Variants in SCARF2 observed in about 807,000 individuals in gnomAD.
SCARF2 encodes the protein scavenger receptor expressed by endothelial cells 2 protein.
SCARF2 carries 39 observed loss-of-function variants against 73.4 expected under a neutral mutation model. The ratio of observed to expected loss-of-function variants is 0.53; its 90% CI spans 0.41 to 0.69. The LOEUF (loss-of-function observed/expected upper bound fraction) is 0.69, where lower values mean the gene tolerates loss of function less well. Among genes scored for constraint, SCARF2 ranks in the 30% least tolerant of loss-of-function variants. SCARF2 has a pLI of 0.00. For synonymous variants in SCARF2, 605 were observed against 590.0 expected (o/e 1.03, Z -0.37); for missense variants, 1,148 against 1,303.5 (o/e 0.88, Z 1.84).
rs2052589203 is a variant in SCARF2 at position 20,427,275 on chromosome 22, C to G, written c.1693+123G>C. 9 of 1,219,770 alleles carry G rather than the reference C, an allele frequency of 7.4e-6. No individual in the cohort carries two copies. In the East Asian group the frequency reaches 2.2e-4, roughly 30 times the overall value. The allele number at this position is 1,219,770 out of a possible 1,614,324, so 75.6% of individuals were successfully genotyped here. A position where few individuals can be genotyped will look rare whatever the true frequency, so the allele number is the denominator to read the frequency against. ...AGCTCTGTGGGCAACCCTCAGGTAC[C>G]AGCATGGCCAAGGCCTTCCTCTCCA... On this transcript the variant is annotated intron_variant, in intron 10 of 10. Coordinates refer to ENST00000622235, the MANE Select transcript of SCARF2 (RefSeq NM_182895.5).
At chr22:20,437,553 C>A (rs1252361368) in intron 1 of SCARF2, 29 bp downstream of exon 1, 1 of 1,558,796 alleles carries the variant, frequency 6.4e-7, no homozygotes, top group South Asian at 1.2e-5. Flanking sequence ...GTCCCTCTCG[C>A]CCCCTCCCCC....
At chr22:20,426,414 G>T in intron 10 of SCARF2, 132 bp from the exon 11 acceptor site, 1 of 972,178 alleles carries the variant, frequency 1.0e-6, no homozygotes, top group Non-Finnish European at 1.5e-6. Flanking sequence ...ATCTAGACGT[G>T]CCTGGCACAG....
chr22:20,425,711 G>A lies in SCARF2; in HGVS notation c.2265C>T (p.Asp755=). ...GCGCGCTTCGCGGGGGACCGCCGGC[G>A]TCCGTGGGCTCCAAGAGGCCGGGGC... ...GRGPGLLEPT[D]AGGPPRSAPE... Residue 755 remains aspartate (D), a synonymous_variant, in exon 11 of 11, where the codon GAC becomes GAT. Transcript: ENST00000622235. This position sits in a 1 kb window ranked among gnomAD's most constrained non-coding sequence, Gnocchi z 4.6. 2.4e-6 allele frequency: 3 copies of A among 1,227,338 alleles called. No individual in the cohort carries two copies. Among genetic ancestry groups the A allele is most frequent in the Non-Finnish European group, 2.0e-6 (2 of 986,710 alleles). The allele number at this position is 1,227,338 out of a possible 1,614,324, so 76.0% of individuals were successfully genotyped here.
intron 1 of SCARF2, among the ~76,000 whole-genome samples, chr22:20,435,932 G>C (rs1220411402): frequency 6.6e-6 from 1 of 152,228 alleles, no homozygotes; most frequent in Non-Finnish European, 1.5e-5. Context: ...CCAGGAAAGG[G>C]AAGGGCTGAT....
At chr22:20,432,371 A>T (rs1198291053) in intron 1 of SCARF2, among the ~76,000 whole-genome samples, 2 of 152,176 alleles carry the variant, frequency 1.3e-5, no homozygotes, top group Non-Finnish European at 2.9e-5. Flanking sequence ...CTCCAAGTGG[A>T]GGGCCCAGCC....
At chr22:20,437,481 G>A in intron 1 of SCARF2, 101 bp downstream of exon 1, 1 of 1,287,934 alleles carries the variant, frequency 7.8e-7, no homozygotes, top group Non-Finnish European at 1.1e-6. Context: ...CCCACACTTG[G>A]CGTAGGAAGG....
intron 9 of SCARF2, among the ~76,000 whole-genome samples, chr22:20,428,357 G>T (rs548233165): frequency 6.6e-6 from 1 of 151,434 alleles, no homozygotes; most frequent in Non-Finnish European, 1.5e-5. Flanking sequence ...GTGCGATCTC[G>T]GCTCACTGCA....
At chr22:20,431,662 C>G in intron 3 of SCARF2, 83 bp downstream of exon 3, 1 of 1,533,146 alleles carries the variant, frequency 6.5e-7, no homozygotes, top group East Asian at 2.5e-5. Flanking sequence ...GAAGGCGGAT[C>G]CGACCCCGCC....
rs377397672 is a variant in SCARF2 at position 20,429,871 on chromosome 22, C to T, written c.1203-38G>A. The T allele has an allele frequency of 2.5e-6, 4 of 1,597,014 alleles. No individual in the cohort carries two copies. The highest frequency in any genetic ancestry group is 1.3e-5 in the African/African-American group (1 of 74,520). ...AGGGTCAAGGCATGCCACAGCCGCC[C>T]CCCTAGGATGCCCCCTACCCTCACC... On this transcript the variant is annotated intron_variant, in intron 6 of 10. Transcript: ENST00000622235. This position sits in a 1 kb window ranked among gnomAD's most constrained non-coding sequence, Gnocchi z 5.2.
In SCARF2 at chr22:20,431,049, C is replaced by T; in HGVS notation, c.823G>A (p.Ala275Thr). The T allele has an allele frequency of 6.4e-7, 1 of 1,566,308 alleles. No individual in the cohort carries two copies. Among genetic ancestry groups the T allele is most frequent in the Non-Finnish European group, 8.6e-7 (1 of 1,163,970 alleles). Reference sequence around the variant, plus strand: ...CGACAGCCCAAGCCGTAGAAGCCGGCGGGGCACGGCTCGCGACAGTACTTG... The same window carrying T: ...CGACAGCCCAAGCCGTAGAAGCCGGTGGGGCACGGCTCGCGACAGTACTTG... ...RGKYCREPCP[A>T]GFYGLGCRRR... Residue 275 changes from alanine to threonine, a missense_variant, in exon 4 of 11, where the codon GCC (alanine) becomes ACC (threonine). Ala to Thr is a moderately conservative substitution (Grantham distance 58, BLOSUM62 0). Coordinates refer to ENST00000622235, the MANE Select transcript of SCARF2 (RefSeq NM_182895.5).
intron 9 of SCARF2, among the ~76,000 whole-genome samples, chr22:20,428,284 C>T (rs144200018): frequency 0.024 from 3,405 of 141,266 alleles, 143 homozygotes; most frequent in African/African-American, 0.082. Flanking sequence ...CCTCTCCTCT[C>T]CTCTCTTCTC....
In SCARF2 at chr22:20,426,158, G is replaced by T; in HGVS notation, c.1818C>A (p.Ser606=). ...CGCTGGACGCCGACCGCTCGCTGTC[G>T]GAGGACGCGGGGAGGGGTATCGCCT... ...AEEAIPLPAS[S]DSERSASSVE... Residue 606 remains serine, a synonymous_variant, in exon 11 of 11, where the codon TCC becomes TCA. Transcript: ENST00000622235. The T allele has an allele frequency of 6.8e-7, 1 of 1,480,348 alleles. No homozygotes were observed. Among genetic ancestry groups the T allele is most frequent in the Non-Finnish European group, 8.9e-7 (1 of 1,121,392 alleles). The allele number at this position is 1,480,348 out of a possible 1,614,324, so 91.7% of individuals were successfully genotyped here. A position where few individuals can be genotyped will look rare whatever the true frequency, so the allele number is the denominator to read the frequency against.
chr22:20,434,326 G>A (rs533333246), intron 1 of SCARF2, among the ~76,000 whole-genome samples: 1 of 152,252 alleles, frequency 6.6e-6, no homozygotes, highest in South Asian at 2.1e-4. Context: ...GAGAGAGAGA[G>A]ACAGAGAAAG....
At position 20,429,312 on chromosome 22, in the gene SCARF2, G is replaced by A. The variant is rs1485944276; in HGVS notation, c.1453C>T (p.Pro485Ser). The A allele has an allele frequency of 6.2e-7, 1 of 1,612,952 alleles. No homozygotes were observed. Among genetic ancestry groups the A allele is most frequent in the African/African-American group, 1.3e-5 (1 of 74,878 alleles). ...RELSLGRKKA[P>S]HRLCGRFSRI... ...CTGAAGCGCCCGCATAGTCGGTGCG[G>A]CGCCTTCTTCCTCCCAAGCGAAAGC... Residue 485 changes from proline to serine, a missense_variant, in exon 9 of 11, where the codon CCG becomes TCG. Transcript: ENST00000622235. The surrounding 1 kb of genome is among the most constrained non-coding windows in gnomAD (Gnocchi z 5.2).
chr22:20,431,936 C>G lies in SCARF2; in HGVS notation c.226G>C (p.Gly76Arg). 6.2e-7 allele frequency: 1 copy of G among 1,610,760 alleles called. No homozygotes were observed. Residue 76 changes from glycine to arginine, a missense_variant, in exon 2 of 11, where the codon GGG becomes CGG. Transcript: ENST00000622235. Reference sequence around the variant, plus strand: ...CCCGGGATGACCCACTCACCAATCCCACACTCGTCCCCTTGCTGCCTCCAG... The same window carrying G: ...CCCGGGATGACCCACTCACCAATCCGACACTCGTCCCCTTGCTGCCTCCAG... ...AGWRQQGDEC[G>R]IAVCEGNSTC...
Position 20,425,849 on chromosome 22 carries a change from G to T in SCARF2, c.2127C>A (p.Val709=), listed in dbSNP as rs368807047. The T allele has an allele frequency of 4.1e-5, 65 of 1,590,346 alleles. No individual in the cohort carries two copies. Among genetic ancestry groups the T allele is most frequent in the African/African-American group, 3.2e-4 (23 of 72,242 alleles). Residue 709 remains valine, a synonymous_variant, in exon 11 of 11, where the codon GTC becomes GTA. Coordinates refer to ENST00000622235, the MANE Select transcript of SCARF2 (RefSeq NM_182895.5). The surrounding 1 kb of genome is among the most constrained non-coding windows in gnomAD (Gnocchi z 4.6). ...RTPSDKSAHT[V]EHGSPRTRDP... ...CGCGGGTCCGGGGGCTGCCGTGTTCGACCGTATGCGCCGATTTGTCGCTGG... is the reference window on the plus strand; with the variant it reads ...CGCGGGTCCGGGGGCTGCCGTGTTCTACCGTATGCGCCGATTTGTCGCTGG...
chr22:20,436,680 C>T (rs931147955), intron 1 of SCARF2, among the ~76,000 whole-genome samples: 2 of 152,186 alleles, frequency 1.3e-5, no homozygotes, highest in Non-Finnish European at 2.9e-5. Flanking sequence ...GCTGCCAGCC[C>T]GTGCGGCGTC....
chr22:20,429,564 CGCA>C lies in SCARF2; in HGVS notation c.1393_1395del (p.Cys465del). ...CGCGTAGGGTCCTTGCCGCGGCAAG[CGCA>C]GCAGCAGCCGAGCAGCGAGAGCAGC... On this transcript the variant is annotated inframe_deletion, in exon 8 of 11. Coordinates refer to ENST00000622235, the MANE Select transcript of SCARF2 (RefSeq NM_182895.5). This position sits in a 1 kb window ranked among gnomAD's most constrained non-coding sequence, Gnocchi z 5.2. 1 of 1,613,140 alleles carries C rather than the reference CGCA, an allele frequency of 6.2e-7. No individual in the cohort carries two copies. Among genetic ancestry groups the C allele is most frequent in the Middle Eastern group, 1.7e-4 (1 of 6,042 alleles).
chr22:20,426,892 A>G (rs982722098), intron 10 of SCARF2, among the ~76,000 whole-genome samples: 7 of 150,864 alleles, frequency 4.6e-5, no homozygotes, highest in Non-Finnish European at 7.4e-5. Context: ...ATGCCACTGC[A>G]CTCCAGCCTG....
Sources: allele counts gnomAD v4.1 joint callset (sites outside exome capture counted in the v4.1 genomes callset), GRCh38; gene constraint gnomAD v4.1.1; non-coding constraint Gnocchi (gnomAD v3.1); transcripts MANE v1.5; gene names NCBI Gene and HGNC (gene_info 2026-07-23, HGNC 2026-07-21).